The following TTLL6 variants were observed in gnomAD, a reference collection of about 807,000 sequenced individuals.
TTLL6 encodes tubulin tyrosine ligase like 6, also known as tubulin polyglutamylase TTLL6.
In TTLL6, 75 loss-of-function variants were observed where a neutral mutation model predicts 96.4. The ratio of observed to expected loss-of-function variants is 0.78; its 90% CI spans 0.65 to 0.94. The LOEUF (loss-of-function observed/expected upper bound fraction) is 0.94, where lower values mean the gene tolerates loss of function less well. Ranked by LOEUF, TTLL6 falls within the 40% of genes least tolerant of loss-of-function variation. The pLI is 0.00. For missense variants in TTLL6, 1,030 were observed against 1,093.0 expected, an observed-to-expected ratio of 0.94 and a Z score of 0.81; for synonymous variants, 411 against 419.4, an observed-to-expected ratio of 0.98 and a Z score of 0.24.
chr17:48,782,011 C>G (rs750581607), intron 13 of TTLL6, among the ~76,000 whole-genome samples: 2 of 152,108 alleles, frequency 1.3e-5, no homozygotes, highest in Non-Finnish European at 2.9e-5. Context: ...TTATAAATTA[C>G]GCAGTCTAAG....
intron 15 of TTLL6, chr17:48,765,635 A>T (rs771617867): frequency 2.6e-5 from 4 of 152,064 alleles, no homozygotes; most frequent in Non-Finnish European, 5.9e-5. Context: ...TGAGCATGGG[A>T]GTTTTGACCT....
chr17:48,812,929 TTG>T (rs2143502420), intron 1 of TTLL6, among the ~76,000 whole-genome samples: 1 of 152,368 alleles, frequency 6.6e-6, no homozygotes, highest in South Asian at 2.1e-4. Context: ...CTTAAAATGC[TTG>T]TTTCATTCAC....
At chr17:48,783,153 T>C (rs943665074) in intron 13 of TTLL6, among the ~76,000 whole-genome samples, 1 of 151,224 alleles carries the variant, frequency 6.6e-6, no homozygotes, top group African/African-American at 2.4e-5. Flanking sequence ...GGGGCGGGGG[T>C]GATGGATTGT....
At chr17:48,768,402 C>T (rs545935762) in intron 15 of TTLL6, among the ~76,000 whole-genome samples, 1 of 152,358 alleles carries the variant, frequency 6.6e-6, no homozygotes, top group African/African-American at 2.4e-5. Flanking sequence ...TCCCGAGTGG[C>T]TGGGACCACA....
rs1390906917 is a variant in TTLL6, at chr17:48,797,087, A to C, written c.886T>G (p.Tyr296Asp). Residue 296 changes from tyrosine (Y) to aspartate (D), a missense_variant, in exon 7 of 16, where the codon TAC becomes GAC. Physicochemically the swap from Tyr to Asp is radical, Grantham distance 160. Coordinates refer to ENST00000393382, the MANE Select transcript of TTLL6 (RefSeq NM_001130918.3). The stretch of plus-strand genomic sequence containing the variant: ...AGGTTGTCTGTGCAAGGGCGGGAGT[A>C]AGAGGTCGTCGCAAAGCGGGCCAGT... The part of the protein sequence containing the change: ...EGLARFATTS[Y>D]SRPCTDNLDD... 1.9e-6 allele frequency: 3 copies of C among 1,551,364 alleles called. No homozygotes were observed. The highest frequency in any genetic ancestry group is 2.6e-6 in the Non-Finnish European group (3 of 1,146,948).
At position 48,799,454 on chromosome 17, in the gene TTLL6, G is replaced by A. The variant is rs1224410655; in HGVS notation, c.768+150C>T. On this transcript the variant is annotated intron_variant, in intron 6 of 15. Transcript: ENST00000393382. ...CGGGCACGTGTCAGCACCCCGGTCAGAACGTTTGGTCTGACAAAGTGCAAG... is the reference window on the plus strand; with the variant it reads ...CGGGCACGTGTCAGCACCCCGGTCAAAACGTTTGGTCTGACAAAGTGCAAG... The A allele has an allele frequency of 3.9e-6, 3 of 769,582 alleles. No homozygotes were observed. The East Asian group carries it at 8.1e-5, about 21-fold the overall frequency. The allele number at this position is 769,582 out of a possible 1,614,324, so 47.7% of individuals were successfully genotyped here.
chr17:48,786,044 C>T (rs2143323741), intron 12 of TTLL6, 120 bp downstream of exon 12: 1 of 1,477,970 alleles, frequency 6.8e-7, no homozygotes, highest in Non-Finnish European at 9.1e-7. Context: ...TTGCCCAGCC[C>T]TCTGCACAGC....
chr17:48,778,106 G>A (rs7207969), intron 13 of TTLL6, among the ~76,000 whole-genome samples: 46,218 of 151,164 alleles, frequency 0.31, 7,293 homozygotes, highest in Admixed American at 0.41. Flanking sequence ...ACTAAACCCC[G>A]TCTCTACTAA....
intron 13 of TTLL6, among the ~76,000 whole-genome samples, chr17:48,778,629 C>CT: frequency 7.8e-6 from 1 of 128,334 alleles, no homozygotes; most frequent in African/African-American, 3.0e-5. Context: ...GACTCAGTCT[C>CT]TTAAAAAAAA....
rs2039061796 is a variant in TTLL6, at chr17:48,785,032, TCGG to T, written c.1928_1930del (p.Pro643_Asp644delinsHis). ...GCTGCTGAGATTGATATTCCTCAGA[TCGG>T]GTAGAGAACTGAAGGGCTTCGCAGA... On this transcript the variant is annotated inframe_deletion, in exon 13 of 16. Transcript: ENST00000393382. 6.2e-7 allele frequency: 1 copy of T among 1,614,022 alleles called. No homozygotes were observed. The highest frequency in any genetic ancestry group is 8.5e-7 in the Non-Finnish European group (1 of 1,180,030).
chr17:48,792,204 G>A (rs1428009059), intron 8 of TTLL6, among the ~76,000 whole-genome samples: 1 of 152,182 alleles, frequency 6.6e-6, no homozygotes, highest in Admixed American at 6.5e-5. Flanking sequence ...CCCCTCAGTC[G>A]TGGGCAAACG....
rs138167652 is a variant in TTLL6, at chr17:48,770,085, C to G, written c.2053G>C (p.Val685Leu). The change falls in exon 14 of 16, where the codon GTA becomes CTA. Residue 685 changes from valine (V) to leucine (L), a missense_variant. By Grantham distance (32) the Val-to-Leu change is conservative (BLOSUM62 1). Coordinates refer to ENST00000393382, the MANE Select transcript of TTLL6 (RefSeq NM_001130918.3). ...VFTGTVHLTS[V>L]ETTPESTTQL... is the part of the protein sequence containing the mutation. ...GTGGTGGATTCTGGGGTGGTTTCTA[C>G]GGAGGTTAAGTGCTGGAAGAAAAGA... 1 of 1,605,048 alleles carries G rather than the reference C, an allele frequency of 6.2e-7. No individual in the cohort carries two copies. Among genetic ancestry groups the G allele is most frequent in the East Asian group, 2.2e-5 (1 of 44,652 alleles).
chr17:48,801,199 G>A, intron 5 of TTLL6, 56 bp downstream of exon 5: 1 of 1,509,200 alleles, frequency 6.6e-7, no homozygotes. Flanking sequence ...GGGGGCAAGA[G>A]GAAATGTAAA....
At position 48,797,119 on chromosome 17, in the gene TTLL6, T is replaced by C. The variant is rs1468557993; in HGVS notation, c.854A>G (p.Asn285Ser). 6 of 1,551,448 alleles carry C rather than the reference T, an allele frequency of 3.9e-6. No individual in the cohort carries two copies. The African/African-American group carries it at 5.5e-5, about 14-fold the overall frequency. ...SCDPLRIFVY[N>S]EGLARFATTS... The stretch of plus-strand genomic sequence containing the variant: ...CGTCGCAAAGCGGGCCAGTCCTTCA[T>C]TGTACACAAAAATCCTGAGAGGGTC... Residue 285 changes from asparagine (N) to serine (S), a missense_variant, in exon 7 of 16, where the codon AAT becomes AGT. By Grantham distance (46) the Asn-to-Ser change is conservative. Coordinates refer to ENST00000393382, the MANE Select transcript of TTLL6 (RefSeq NM_001130918.3).
chr17:48,781,925 C>T (rs1412918844), intron 13 of TTLL6, among the ~76,000 whole-genome samples: 1 of 152,124 alleles, frequency 6.6e-6, no homozygotes, highest in South Asian at 2.1e-4. Context: ...TAGGCCCTCA[C>T]CAGACATCAA....
chr17:48,792,466 G>A (rs1008136244), intron 8 of TTLL6, among the ~76,000 whole-genome samples: 6 of 152,148 alleles, frequency 3.9e-5, no homozygotes, highest in Non-Finnish European at 4.4e-5. Context: ...GTGAACAGCA[G>A]AAAGAATGAA....
intron 1 of TTLL6, among the ~76,000 whole-genome samples, chr17:48,811,837 A>G (rs1182920111): frequency 6.6e-6 from 1 of 151,472 alleles, no homozygotes; most frequent in Non-Finnish European, 1.5e-5. Flanking sequence ...AGCTGGGATT[A>G]CAGGCACCTG....
intron 9 of TTLL6, among the ~76,000 whole-genome samples, chr17:48,790,375 A>C (rs976142754): frequency 6.6e-6 from 1 of 152,188 alleles, no homozygotes; most frequent in East Asian, 1.9e-4. Flanking sequence ...GTTCCACTCC[A>C]TCTGGGGTGC....
At chr17:48,804,017 G>A (rs867402404) in intron 2 of TTLL6, 89 bp from the exon 3 acceptor site, 13 of 1,456,640 alleles carry the variant, frequency 8.9e-6, no homozygotes, top group Middle Eastern at 1.8e-4. Flanking sequence ...TGTCCCAGGT[G>A]GAGCTGTCTG....
Sources: gnomAD v4.1 joint callset for allele counts (sites outside exome capture counted in the v4.1 genomes callset) on GRCh38, gnomAD v4.1.1 for gene constraint, MANE v1.5 for transcripts, NCBI Gene and HGNC (gene_info 2026-07-23, HGNC 2026-07-21) for gene names.